Variants in C10orf71 observed in about 807,000 individuals in gnomAD.
C10orf71 encodes the protein cardiac-enriched FHL2-interacting protein.
For missense variants in C10orf71, 1,869 were observed against 1,804.5 expected (o/e 1.04, Z -0.65); for synonymous variants, 758 against 726.3 (o/e 1.04, Z -0.70).
At chr10:49,308,005 A>C (rs1227994080) in intron 1 of C10orf71, among the ~76,000 whole-genome samples, 2 of 152,138 alleles carry the variant, frequency 1.3e-5, no homozygotes, top group African/African-American at 4.8e-5. Context: ...AGCACTTGGA[A>C]GCTTCTGGGG....
Position 49,323,000 on chromosome 10 carries a change from G to A in C10orf71, c.455G>A (p.Arg152Lys), listed in dbSNP as rs1849125466. 1 of 1,614,020 alleles carries A rather than the reference G, an allele frequency of 6.2e-7. No homozygotes were observed. Among genetic ancestry groups the A allele is most frequent in the East Asian group, 2.2e-5 (1 of 44,884 alleles). Residue 152 changes from arginine to lysine, a missense_variant, in exon 3 of 3, where the codon AGG becomes AAG. Coordinates refer to ENST00000374144, the MANE Select transcript of C10orf71 (RefSeq NM_001135196.2). Reference sequence around the variant, plus strand: ...TCAACACTAATTAAATCTTTCGACAGGACCGAGAGCCAACGTTGTGAGAGC... The same window carrying A: ...TCAACACTAATTAAATCTTTCGACAAGACCGAGAGCCAACGTTGTGAGAGC... ...KVSTLIKSFD[R>K]TESQRCESRP... is the part of the protein sequence containing the mutation.
At chr10:49,310,007 G>A (rs193301816) in intron 1 of C10orf71, among the ~76,000 whole-genome samples, 16 of 152,318 alleles carry the variant, frequency 1.1e-4, no homozygotes, top group Admixed American at 8.5e-4. Context: ...CCACACTACC[G>A]GCAAGTGGTC....
At chr10:49,307,180 C>A (rs1375490670) in intron 1 of C10orf71, among the ~76,000 whole-genome samples, 2 of 152,220 alleles carry the variant, frequency 1.3e-5, no homozygotes, top group Non-Finnish European at 2.9e-5. Flanking sequence ...CTATAAAGCA[C>A]CTCTGAGCTC....
chr10:49,304,467 C>T (rs932266398), intron 1 of C10orf71, among the ~76,000 whole-genome samples: 1 of 152,220 alleles, frequency 6.6e-6, no homozygotes, highest in African/African-American at 2.4e-5. Flanking sequence ...GCAGGAGCGC[C>T]GTCAACAGGA....
In C10orf71 at chr10:49,322,712, C is replaced by T. The variant is rs1849118121; in HGVS notation, c.167C>T (p.Ser56Phe). 6.2e-7 allele frequency: 1 copy of T among 1,613,974 alleles called. No homozygotes were observed. Residue 56 changes from serine to phenylalanine, a missense_variant, in exon 3 of 3, where the codon TCC becomes TTC. By Grantham distance (155) the Ser-to-Phe change is radical (BLOSUM62 -2). Coordinates refer to ENST00000374144, the MANE Select transcript of C10orf71 (RefSeq NM_001135196.2). ...TSFHDSYLAV[S>F]PDITRQVFGT... Reference sequence around the variant, plus strand: ...TTCCATGACTCCTATCTGGCTGTGTCCCCGGATATCACCCGACAGGTGTTT... The same window carrying T: ...TTCCATGACTCCTATCTGGCTGTGTTCCCGGATATCACCCGACAGGTGTTT...
intron 1 of C10orf71, among the ~76,000 whole-genome samples, chr10:49,302,952 G>A (rs1408846087): frequency 2.0e-5 from 3 of 152,142 alleles, no homozygotes; most frequent in Non-Finnish European, 1.5e-5. Context: ...CTGTAAAATG[G>A]GAATAATAAC....
At position 49,323,879 on chromosome 10, in the gene C10orf71, A is replaced by G. The variant is rs778412858; in HGVS notation, c.1334A>G (p.Lys445Arg). 2.2e-5 allele frequency: 35 copies of G among 1,613,470 alleles called. No homozygotes were observed. The East Asian group carries it at 6.7e-4, about 31-fold the overall frequency. The change falls in exon 3 of 3, where the codon AAG becomes AGG. Residue 445 changes from lysine to arginine, a missense_variant. By Grantham distance (26) the Lys-to-Arg change is conservative (BLOSUM62 2). Coordinates refer to ENST00000374144, the MANE Select transcript of C10orf71 (RefSeq NM_001135196.2). ...TATGATCCCCCCTTTAACATCAGTAAGCTCCTGACCCCCATCATACCCAGC... is the reference window on the plus strand; with the variant it reads ...TATGATCCCCCCTTTAACATCAGTAGGCTCCTGACCCCCATCATACCCAGC... The part of the protein sequence containing the change: ...EHYDPPFNIS[K>R]LLTPIIPSKH...
intron 1 of C10orf71, among the ~76,000 whole-genome samples, chr10:49,304,577 T>G (rs1407330588): frequency 6.6e-6 from 1 of 152,214 alleles, no homozygotes; most frequent in Non-Finnish European, 1.5e-5. Context: ...AGTTTGCATA[T>G]GGAGAACCTG....
intron 2 of C10orf71, among the ~76,000 whole-genome samples, chr10:49,319,418 G>A (rs1247209143): frequency 4.0e-5 from 6 of 151,680 alleles, no homozygotes; most frequent in African/African-American, 1.5e-4. Flanking sequence ...AATCTTGGTT[G>A]AAATGAAAAT....
chr10:49,306,733 T>C (rs748751586), intron 1 of C10orf71, among the ~76,000 whole-genome samples: 2 of 152,120 alleles, frequency 1.3e-5, no homozygotes, highest in Non-Finnish European at 2.9e-5. Flanking sequence ...TGAGAAAGGC[T>C]CTCACATGCC....
chr10:49,315,295 A>G (rs1395021514), intron 1 of C10orf71, among the ~76,000 whole-genome samples: 1 of 152,210 alleles, frequency 6.6e-6, no homozygotes, highest in Non-Finnish European at 1.5e-5. Flanking sequence ...GAAACCCCAA[A>G]GGTTTGCATT....
At chr10:49,316,573 A>T (rs1849002914) in intron 2 of C10orf71, among the ~76,000 whole-genome samples, 1 of 152,220 alleles carries the variant, frequency 6.6e-6, no homozygotes, top group Non-Finnish European at 1.5e-5. Context: ...AAGCAACAGA[A>T]GCAGAAACTC....
intron 1 of C10orf71, among the ~76,000 whole-genome samples, chr10:49,301,534 T>C (rs1489526105): frequency 6.6e-6 from 1 of 152,208 alleles, no homozygotes; most frequent in African/African-American, 2.4e-5. Context: ...GATGTTCAGA[T>C]GTGTCACCCC....
chr10:49,321,234 A>G (rs1168653925), intron 2 of C10orf71, among the ~76,000 whole-genome samples: 1 of 151,696 alleles, frequency 6.6e-6, no homozygotes, highest in African/African-American at 2.4e-5. Flanking sequence ...CCTGCTTCCC[A>G]GCCTCTGACA....
Position 49,323,031 on chromosome 10 carries a change from C to A in C10orf71, c.486C>A (p.Pro162=), listed in dbSNP as rs1279005708. 1.2e-6 allele frequency: 2 copies of A among 1,613,988 alleles called. No homozygotes were observed. Among genetic ancestry groups the A allele is most frequent in the Non-Finnish European group, 1.7e-6 (2 of 1,179,890 alleles). ...RTESQRCESR[P]TASKPPALKN... Reference sequence around the variant, plus strand: ...AGAGCCAACGTTGTGAGAGCAGGCCCACTGCCAGCAAGCCTCCGGCTCTGA... The same window carrying A: ...AGAGCCAACGTTGTGAGAGCAGGCCAACTGCCAGCAAGCCTCCGGCTCTGA... The change falls in exon 3 of 3, where the codon CCC becomes CCA. Residue 162 remains proline, a synonymous_variant. Coordinates refer to ENST00000374144, the MANE Select transcript of C10orf71 (RefSeq NM_001135196.2).
At chr10:49,318,357 C>T (rs763152280) in intron 2 of C10orf71, among the ~76,000 whole-genome samples, 5 of 152,208 alleles carry the variant, frequency 3.3e-5, no homozygotes, top group Admixed American at 6.5e-5. Context: ...AGGGTCTCCC[C>T]AACCCATCAC....
intron 1 of C10orf71, among the ~76,000 whole-genome samples, chr10:49,304,091 G>C (rs1234174214): frequency 6.6e-6 from 1 of 152,244 alleles, no homozygotes; most frequent in Non-Finnish European, 1.5e-5. Flanking sequence ...CTCTGCAGGA[G>C]AGCCAGGTCC....
chr10:49,315,463 C>T (rs1402251083), intron 1 of C10orf71, among the ~76,000 whole-genome samples: 1 of 152,146 alleles, frequency 6.6e-6, no homozygotes, highest in Non-Finnish European at 1.5e-5. Context: ...GCTGAGTGGA[C>T]TTGACTTTCA....
chr10:49,327,126 C>A lies in C10orf71; in HGVS notation c.*273C>A. ...GCCAGTTCCCAGGCGCACTCTACTC[C>A]AGCCCTTCTCCCTCCCTCCCTTCCT... On this transcript the variant is annotated 3_prime_UTR_variant, in exon 3 of 3. Coordinates refer to ENST00000374144, the MANE Select transcript of C10orf71 (RefSeq NM_001135196.2). The A allele has an allele frequency of 8.7e-7, 1 of 1,149,034 alleles. No individual in the cohort carries two copies. Among genetic ancestry groups the A allele is most frequent in the Non-Finnish European group, 1.2e-6 (1 of 847,860 alleles). 71.2% of individuals were successfully genotyped at this position (1,149,034 alleles called of 1,614,324 possible).
Sources: allele counts gnomAD v4.1 joint callset (sites outside exome capture counted in the v4.1 genomes callset), GRCh38; gene constraint gnomAD v4.1.1; transcripts MANE v1.5; gene names NCBI Gene and HGNC (gene_info 2026-07-23, HGNC 2026-07-21).